Variants in APBB2 observed in about 807,000 individuals in gnomAD.
The protein encoded by APBB2 is Fe65-like 1.
In APBB2, 38 loss-of-function variants were observed where a neutral mutation model predicts 82.5. The observed-to-expected ratio is 0.46, with a 90% CI of 0.36 to 0.60. The LOEUF (loss-of-function observed/expected upper bound fraction) is 0.60, where lower values mean the gene tolerates loss of function less well. Ranked by LOEUF, APBB2 falls within the 20% of genes least tolerant of loss-of-function variation. The pLI is 0.00. For missense variants in APBB2, 772 were observed against 972.3 expected, an observed-to-expected ratio of 0.79 and a Z score of 2.74; for synonymous variants, 341 against 368.2, an observed-to-expected ratio of 0.93 and a Z score of 0.85.
intron 4 of APBB2, among the ~76,000 whole-genome samples, chr4:41,033,628 GCAC>G (rs1023215887): frequency 2.3e-5 from 2 of 86,344 alleles, no homozygotes; most frequent in Non-Finnish European, 5.1e-5. Flanking sequence ...ACACAATTCA[GCAC>G]CACTACAGAA....
intron 2 of APBB2, among the ~76,000 whole-genome samples, chr4:41,137,278 G>A (rs1757843854): frequency 6.6e-6 from 1 of 152,088 alleles, no homozygotes; most frequent in Non-Finnish European, 1.5e-5. Flanking sequence ...CCTTCATTCA[G>A]TAGTTATTGG....
At chr4:41,025,944 C>CAAAAA (rs71198626) in intron 5 of APBB2, among the ~76,000 whole-genome samples, 3 of 68,248 alleles carry the variant, frequency 4.4e-5, no homozygotes, top group Admixed American at 1.6e-4. Context: ...TCCATCTCCA[C>CAAAAA]AAAAAAAAAA....
At chr4:41,086,930 A>G (rs1739928267) in intron 3 of APBB2, among the ~76,000 whole-genome samples, 1 of 151,514 alleles carries the variant, frequency 6.6e-6, no homozygotes, top group Non-Finnish European at 1.5e-5. Flanking sequence ...CCACACACAC[A>G]CACACACACA....
chr4:40,883,768 C>A (rs1045049148), intron 12 of APBB2, among the ~76,000 whole-genome samples: 3 of 150,618 alleles, frequency 2.0e-5, no homozygotes, highest in Non-Finnish European at 4.4e-5. Flanking sequence ...ACAGCAGCTA[C>A]AAAGATCGCC....
intron 3 of APBB2, among the ~76,000 whole-genome samples, chr4:41,095,561 C>T (rs977258050): frequency 2.0e-5 from 3 of 152,198 alleles, no homozygotes; most frequent in Non-Finnish European, 4.4e-5. Context: ...CTAATCATAC[C>T]TATTACTTTT....
chr4:40,812,975 G>C lies in APBB2; in HGVS notation c.*3117C>G, dbSNP rs1744713011. 1 of 152,232 alleles carries C rather than the reference G, an allele frequency of 6.6e-6. No homozygotes were observed. The highest frequency in any genetic ancestry group is 2.4e-5 in the African/African-American group (1 of 41,454). 9.4% of individuals were successfully genotyped at this position (152,232 alleles called of 1,614,324 possible). ...GAAGGGTAGAAAAACGAAGCACCAA[G>C]CAGTGCTTTAGTCTGCAAAGGAAAG... On this transcript the variant is annotated 3_prime_UTR_variant, in exon 18 of 18. Coordinates refer to ENST00000508593, the MANE Select transcript of APBB2 (RefSeq NM_004307.2).
chr4:40,908,939 G>A (rs545368288), intron 10 of APBB2, among the ~76,000 whole-genome samples: 6 of 152,268 alleles, frequency 3.9e-5, no homozygotes, highest in South Asian at 4.1e-4. Flanking sequence ...AATGCCCAGG[G>A]AACCGACTAA....
intron 2 of APBB2, chr4:41,113,973 T>A (rs567537223): frequency 6.6e-6 from 1 of 152,412 alleles, no homozygotes; most frequent in East Asian, 1.9e-4. Flanking sequence ...ATACTACAAC[T>A]GGAACGACAC....
chr4:40,925,282 T>C (rs1425962214), intron 10 of APBB2, among the ~76,000 whole-genome samples: 1 of 152,224 alleles, frequency 6.6e-6, no homozygotes, highest in Non-Finnish European at 1.5e-5. Flanking sequence ...CTAAGGACTG[T>C]TCCAAGACCT....
chr4:41,160,215 C>G (rs1764803695), intron 1 of APBB2, among the ~76,000 whole-genome samples: 1 of 151,982 alleles, frequency 6.6e-6, no homozygotes, highest in Non-Finnish European at 1.5e-5. Flanking sequence ...CCGGCCTGGA[C>G]AGGGAAGACA....
intron 4 of APBB2, among the ~76,000 whole-genome samples, chr4:41,064,080 G>A (rs536845339): frequency 7.4e-5 from 11 of 148,046 alleles, no homozygotes; most frequent in South Asian, 2.2e-4. Flanking sequence ...CCGGGTTCAC[G>A]CCATCCTCCT....
chr4:41,127,574 T>C lies in APBB2; in HGVS notation c.-261+15413A>G, dbSNP rs115780700. The stretch of plus-strand genomic sequence containing the variant: ...ATTTCTATTCAAAGCAGGTATGTAC[T>C]ACAGAATGGGAGAAAATATTCACAA... On this transcript the variant is annotated intron_variant, in intron 2 of 17. Transcript: ENST00000508593. This position sits in a 1 kb window ranked among gnomAD's most constrained non-coding sequence, Gnocchi z 4.8. 7.8e-3 allele frequency among the ~76,000 whole-genome samples: 1,186 copies of C among 152,312 alleles called. 16 individuals are homozygous for C. Among genetic ancestry groups the C allele is most frequent in the African/African-American group, 0.026 (1,060 of 41,568 alleles).
At chr4:41,156,185 C>T (rs952846483) in intron 1 of APBB2, among the ~76,000 whole-genome samples, 2 of 150,234 alleles carry the variant, frequency 1.3e-5, no homozygotes, top group Admixed American at 6.6e-5. Context: ...AAAATGGGTG[C>T]GAAAATAGGA....
intron 5 of APBB2, among the ~76,000 whole-genome samples, chr4:41,019,289 G>A (rs1810836900): frequency 6.6e-6 from 1 of 152,182 alleles, no homozygotes; most frequent in African/African-American, 2.4e-5. Flanking sequence ...ACACAAAAGA[G>A]TAACAGAACA....
intron 6 of APBB2, among the ~76,000 whole-genome samples, chr4:40,967,402 G>T (rs1252698267): frequency 1.3e-5 from 2 of 152,222 alleles, no homozygotes; most frequent in African/African-American, 4.8e-5. Context: ...GCCTTTTGGG[G>T]AGCCCAGGCC....
chr4:41,183,912 T>C (rs150722405), intron 1 of APBB2, among the ~76,000 whole-genome samples: 1 of 152,190 alleles, frequency 6.6e-6, no homozygotes, highest in African/African-American at 2.4e-5. Flanking sequence ...TATTATTTCA[T>C]TGTAATTTAT....
In APBB2 at chr4:41,014,216, T is replaced by C; in HGVS notation, c.202A>G (p.Lys68Glu). The change falls in exon 6 of 18, where the codon AAA becomes GAA. Residue 68 changes from lysine (K) to glutamate (E), a missense_variant. Lys to Glu is a moderately conservative substitution (Grantham distance 56, BLOSUM62 1). Transcript: ENST00000508593. ...TGGATGTTAGTTAGTGCATATTTTTTCCTGCATTTGGGAGGTGTGCTGTTC... is the reference window on the plus strand; with the variant it reads ...TGGATGTTAGTTAGTGCATATTTTTCCCTGCATTTGGGAGGTGTGCTGTTC... ...TKNSTPPKCRKKYALTNIQAA... is the reference protein window; with the variant it reads ...TKNSTPPKCREKYALTNIQAA... The C allele has an allele frequency of 1.2e-6, 2 of 1,614,236 alleles. No individual in the cohort carries two copies. Among genetic ancestry groups the C allele is most frequent in the Non-Finnish European group, 1.7e-6 (2 of 1,180,048 alleles).
intron 1 of APBB2, among the ~76,000 whole-genome samples, chr4:41,180,426 T>C (rs2154062690): frequency 6.6e-6 from 1 of 152,214 alleles, no homozygotes; most frequent in East Asian, 1.9e-4. Flanking sequence ...AAAACTTAGC[T>C]AGACCTTGTT....
chr4:41,114,275 T>C (rs112407343), intron 2 of APBB2, among the ~76,000 whole-genome samples: 5 of 152,034 alleles, frequency 3.3e-5, no homozygotes, highest in African/African-American at 1.2e-4. Context: ...ATTCAACACC[T>C]CTTCATGCTA....
Sources: allele counts gnomAD v4.1 joint callset (sites outside exome capture counted in the v4.1 genomes callset), GRCh38; gene constraint gnomAD v4.1.1; non-coding constraint Gnocchi (gnomAD v3.1); transcripts MANE v1.5; gene names NCBI Gene and HGNC (gene_info 2026-07-23, HGNC 2026-07-21).